SMIM35: variants seen among roughly 807,000 people sequenced by gnomAD.
The protein encoded by SMIM35 is TMPRSS4 antisense RNA 1 (non-protein coding).
intron 1 of SMIM35, among the ~76,000 whole-genome samples, chr11:118,085,383 C>T (rs148124269): frequency 0.014 from 2,169 of 152,102 alleles, 45 homozygotes; most frequent in African/African-American, 0.048. Flanking sequence ...GCCACCACGC[C>T]CAGCTAATTT....
intron 1 of SMIM35, among the ~76,000 whole-genome samples, chr11:118,021,478 T>A (rs900957113): frequency 2.0e-5 from 3 of 152,134 alleles, no homozygotes; most frequent in Non-Finnish European, 4.4e-5. Context: ...TTTATTAAAT[T>A]TTTCCGTTAT....
chr11:118,040,456 A>G (rs1943982672), intron 1 of SMIM35, among the ~76,000 whole-genome samples: 1 of 152,238 alleles, frequency 6.6e-6, no homozygotes. Flanking sequence ...TGATGCGCAA[A>G]GAAAAAGAAC....
At chr11:118,022,382 A>G (rs1192570988) in intron 1 of SMIM35, among the ~76,000 whole-genome samples, 1 of 152,220 alleles carries the variant, frequency 6.6e-6, no homozygotes, top group East Asian at 1.9e-4. Flanking sequence ...ATCTCAATAA[A>G]TTTTTAAAAG....
chr11:118,074,456 G>C (rs3758992), intron 1 of SMIM35, among the ~76,000 whole-genome samples: 39,798 of 152,050 alleles, frequency 0.26, 6,252 homozygotes, highest in Non-Finnish European at 0.35. Context: ...CGGGAGAATG[G>C]GGGTTCTGGG....
At chr11:118,044,870 C>T (rs1303383415) in intron 1 of SMIM35, among the ~76,000 whole-genome samples, 1 of 151,106 alleles carries the variant, frequency 6.6e-6, no homozygotes, top group East Asian at 1.9e-4. Flanking sequence ...AAACCTCCAG[C>T]AGGTGATTGG....
intron 1 of SMIM35, among the ~76,000 whole-genome samples, chr11:118,056,674 G>A (rs1944314635): frequency 6.6e-6 from 1 of 152,148 alleles, no homozygotes; most frequent in Non-Finnish European, 1.5e-5. Context: ...GAAAAAGAGA[G>A]GGCCACAGAG....
At chr11:118,084,438 T>C (rs985442763) in intron 1 of SMIM35, among the ~76,000 whole-genome samples, 2 of 152,216 alleles carry the variant, frequency 1.3e-5, no homozygotes, top group African/African-American at 4.8e-5. Context: ...TGAAGCACTA[T>C]TAAAGCACTA....
At chr11:118,017,142 T>A (rs2058189332) in intron 1 of SMIM35, among the ~76,000 whole-genome samples, 2 of 152,078 alleles carry the variant, frequency 1.3e-5, no homozygotes, top group African/African-American at 2.4e-5. Flanking sequence ...CTCCTCATCA[T>A]ACTAGGAAAA....
chr11:118,038,026 A>G (rs1943932639), intron 1 of SMIM35, among the ~76,000 whole-genome samples: 1 of 152,188 alleles, frequency 6.6e-6, no homozygotes, highest in South Asian at 2.1e-4. Context: ...GGTGATGGTC[A>G]TGTCCATTTC....
chr11:118,031,531 G>A (rs2058319491), intron 1 of SMIM35, among the ~76,000 whole-genome samples: 1 of 152,138 alleles, frequency 6.6e-6, no homozygotes, highest in South Asian at 2.1e-4. Context: ...TTCAAGGGAA[G>A]GCGAGAGTAT....
At chr11:118,035,957 G>A (rs1310624434) in intron 1 of SMIM35, among the ~76,000 whole-genome samples, 1 of 152,082 alleles carries the variant, frequency 6.6e-6, no homozygotes, top group Admixed American at 6.5e-5. Context: ...GCACAGTCTC[G>A]GCTCACTACA....
At chr11:118,079,271 A>T (rs1944943569) in intron 1 of SMIM35, among the ~76,000 whole-genome samples, 1 of 152,052 alleles carries the variant, frequency 6.6e-6, no homozygotes, top group East Asian at 1.9e-4. Flanking sequence ...GGAGGATGGG[A>T]TCTCCACACC....
At chr11:118,038,041 G>T (rs572008219) in intron 1 of SMIM35, among the ~76,000 whole-genome samples, 1 of 152,284 alleles carries the variant, frequency 6.6e-6, no homozygotes, top group South Asian at 2.1e-4. Context: ...CATTTCTTAT[G>T]TATTAAAAGC....
chr11:118,025,425 C>G (rs1398745214), intron 1 of SMIM35: 1 of 441,070 alleles, frequency 2.3e-6, no homozygotes, highest in South Asian at 1.6e-5. Flanking sequence ...GTAAACGTTC[C>G]CTTTCCTCTG....
In SMIM35 at chr11:118,077,278, A is replaced by T. The variant is rs762855566; in HGVS notation, c.7+9473T>A. ...ACAATCTCAGCTCCAGGCTACAGGG[A>T]GACCGGGAGGATCACAGAGCCAGCA... On this transcript the variant is annotated intron_variant, in intron 1 of 4. Transcript: ENST00000689828. The T allele has an allele frequency of 1.3e-4, 212 of 1,599,966 alleles. No individual in the cohort carries two copies. The highest frequency in any genetic ancestry group is 1.7e-4 in the Non-Finnish European group (202 of 1,173,354).
At chr11:118,053,892 AC>A (rs1167087340) in intron 1 of SMIM35, among the ~76,000 whole-genome samples, 1 of 152,164 alleles carries the variant, frequency 6.6e-6, no homozygotes, top group Admixed American at 6.5e-5. Flanking sequence ...AAACACTGTA[AC>A]CTCAAATGTT....
At chr11:118,077,368 T>C in intron 1 of SMIM35, 2 of 1,517,254 alleles carry the variant, frequency 1.3e-6, no homozygotes, top group African/African-American at 1.4e-5. Context: ...GTAAGGCCCT[T>C]CAAGCAGCCT....
At chr11:118,025,327 T>C in intron 1 of SMIM35, 1 of 342,816 alleles carries the variant, frequency 2.9e-6, no homozygotes, top group South Asian at 2.4e-5. Flanking sequence ...TGTTTTGAGT[T>C]CCTTGAAAAA....
chr11:118,077,407 C>A, intron 1 of SMIM35: 1 of 1,383,870 alleles, frequency 7.2e-7, no homozygotes, highest in Non-Finnish European at 9.7e-7. Context: ...AATTCTGTGA[C>A]ACCTTCTAGG....
Sources: allele counts gnomAD v4.1 joint callset (sites outside exome capture counted in the v4.1 genomes callset), GRCh38; gene constraint gnomAD v4.1.1; transcripts MANE v1.5; gene names NCBI Gene and HGNC (gene_info 2026-07-23, HGNC 2026-07-21).